Variants in LIMS2 observed in about 807,000 individuals in gnomAD.
LIMS2 encodes LIM and senescent cell antigen-like-containing domain protein 2.
Under a neutral mutation model 45.3 loss-of-function variants are expected in LIMS2, and 30 were observed. The ratio of observed to expected loss-of-function variants is 0.66; its 90% CI spans 0.50 to 0.90. The LOEUF (loss-of-function observed/expected upper bound fraction) is 0.90, where lower values mean the gene tolerates loss of function less well. Among genes scored for constraint, LIMS2 ranks in the 40% least tolerant of loss-of-function variants. The probability of loss-of-function intolerance (pLI) is 0.00; values close to 1 mark genes in which losing one functional copy is unlikely to be tolerated. For missense variants in LIMS2, 485 were observed against 468.7 expected, an observed-to-expected ratio of 1.03 and a Z score of -0.32; for synonymous variants, 173 against 188.0, an observed-to-expected ratio of 0.92 and a Z score of 0.65.
Position 127,650,908 on chromosome 2 carries a change from G to A in LIMS2, c.359+3516C>T, listed in dbSNP as rs369485456. The A allele has an allele frequency of 1.1e-4, 171 of 1,613,988 alleles. No homozygotes were observed. The highest frequency in any genetic ancestry group is 1.9e-4 in the African/African-American group (14 of 75,030). The stretch of plus-strand genomic sequence containing the variant: ...ACCCTGGCTCTGTGGCTTTTCATCC[G>A]AGACCACAAGTCCGGGACCCCGGCC... On this transcript the variant is annotated intron_variant, in intron 4 of 9. Coordinates refer to ENST00000355119, the MANE Select transcript of LIMS2 (RefSeq NM_001161403.3).
rs1168695335 is a variant in LIMS2 at position 127,664,626 on chromosome 2, C to G, written c.12-7064G>C. 5 of 1,104,030 alleles carry G rather than the reference C, an allele frequency of 4.5e-6. No individual in the cohort carries two copies. Among genetic ancestry groups the G allele is most frequent in the African/African-American group, 1.7e-5 (1 of 60,314 alleles). The allele number at this position is 1,104,030 out of a possible 1,614,324, so 68.4% of individuals were successfully genotyped here. ...GCGCCGCGGGGGCAGCTCCTGAAAG[C>G]TGAGGCTGGCGGGGGTTGGGTCCCG... On this transcript the variant is annotated intron_variant, in intron 1 of 9. Transcript: ENST00000355119. The surrounding 1 kb of genome is among the most constrained non-coding windows in gnomAD (Gnocchi z 5.5).
chr2:127,669,431 C>T (rs964513793), intron 1 of LIMS2, among the ~76,000 whole-genome samples: 3 of 152,112 alleles, frequency 2.0e-5, no homozygotes, highest in East Asian at 1.9e-4. Context: ...ATTTGTAAAT[C>T]GGCTGGGCAC....
chr2:127,640,916 A>G lies in LIMS2; in HGVS notation c.733T>C (p.Cys245Arg). Residue 245 changes from cysteine (C) to arginine (R), a missense_variant, in exon 7 of 10, where the codon TGC (cysteine) becomes CGC (arginine). Transcript: ENST00000355119. ...CTCACCTGGTTGTAGTGAGTCTCGCAGTAGGCCAGGCCCTTCTTCTCATAG... is the reference window on the plus strand; with the variant it reads ...CTCACCTGGTTGTAGTGAGTCTCGCGGTAGGCCAGGCCCTTCTTCTCATAG... The part of the protein sequence containing the change: ...RHYEKKGLAY[C>R]ETHYNQLFGD... 6.2e-7 allele frequency: 1 copy of G among 1,613,858 alleles called. No individual in the cohort carries two copies. The highest frequency in any genetic ancestry group is 8.5e-7 in the Non-Finnish European group (1 of 1,179,900).
At chr2:127,679,957 G>GA (rs1685581033), upstream of LIMS2, among the ~76,000 whole-genome samples, 1 of 152,218 alleles carries the variant, frequency 6.6e-6, no homozygotes, top group Non-Finnish European at 1.5e-5. This position sits in a 1 kb window ranked among gnomAD's most constrained non-coding sequence, Gnocchi z 5.3. Context: ...GAATGGCCCC[G>GA]TGTGATGTGA....
At chr2:127,680,659 C>G (rs1685594390) in intron 1 of LIMS2, among the ~76,000 whole-genome samples, 1 of 152,178 alleles carries the variant, frequency 6.6e-6, no homozygotes, top group Non-Finnish European at 1.5e-5. Flanking sequence ...TCTTTTCAGT[C>G]TGAGGGGAAC....
chr2:127,669,085 C>G (rs894766557), intron 1 of LIMS2, among the ~76,000 whole-genome samples: 1 of 151,848 alleles, frequency 6.6e-6, no homozygotes, highest in Non-Finnish European at 1.5e-5. Context: ...AGAGTGAAAC[C>G]CTGTCTCGAG....
chr2:127,672,870 C>A lies in LIMS2; in HGVS notation c.11+2144G>T, dbSNP rs1685330375. ...GGTATGCGAGCAGAGAGGGTGTTTC[C>A]CAAAAGCAGCCTGGCTCTGGGCAGC... On this transcript the variant is annotated intron_variant, in intron 1 of 9. Transcript: ENST00000355119. This position sits in a 1 kb window ranked among gnomAD's most constrained non-coding sequence, Gnocchi z 4.9. 6.6e-6 allele frequency among the ~76,000 whole-genome samples: 1 copy of A among 152,180 alleles called. No individual in the cohort carries two copies. The highest frequency in any genetic ancestry group is 6.5e-5 in the Admixed American group (1 of 15,274).
chr2:127,658,438 G>A lies in LIMS2; in HGVS notation c.12-876C>T, dbSNP rs555606009. On this transcript the variant is annotated intron_variant, in intron 1 of 9. Transcript: ENST00000355119. ...AGTATGAATCTTTGAGACGAGACGGGAGTGTGGTGAGGGGGAGCAAATCTC... is the reference window on the plus strand; with the variant it reads ...AGTATGAATCTTTGAGACGAGACGGAAGTGTGGTGAGGGGGAGCAAATCTC... Among the ~76,000 whole-genome samples the A allele has an allele frequency of 2.6e-5, 4 of 152,276 alleles. No individual in the cohort carries two copies. The South Asian group carries it at 8.3e-4, about 32-fold the overall frequency.
Position 127,640,277 on chromosome 2 carries a change from T to C in LIMS2, c.795A>G (p.Glu265=). ...GGGAACACAGGGCCTCACCATCGCCTTCAATCACATGGCTGCAGTTGTAGC... is the reference window on the plus strand; with the variant it reads ...GGGAACACAGGGCCTCACCATCGCCCTCAATCACATGGCTGCAGTTGTAGC... ...DVCYNCSHVI[E]GDVVSALNKA... is the part of the protein sequence containing the mutation. The change falls in exon 8 of 10, where the codon GAA becomes GAG. Residue 265 remains glutamate (E), a synonymous_variant. Transcript: ENST00000355119. 1.2e-6 allele frequency: 2 copies of C among 1,613,322 alleles called. No homozygotes were observed. Among genetic ancestry groups the C allele is most frequent in the Non-Finnish European group, 8.5e-7 (1 of 1,179,968 alleles).
chr2:127,660,468 T>C (rs1000162209), intron 1 of LIMS2, among the ~76,000 whole-genome samples: 2 of 152,134 alleles, frequency 1.3e-5, no homozygotes, highest in Non-Finnish European at 1.5e-5. Flanking sequence ...AGCGAGACCA[T>C]GAACCGACGG....
chr2:127,670,114 C>T (rs1447307290), intron 1 of LIMS2, among the ~76,000 whole-genome samples: 1 of 152,190 alleles, frequency 6.6e-6, no homozygotes, highest in African/African-American at 2.4e-5. Flanking sequence ...TTACCATATG[C>T]CAGCAATTCC....
At chr2:127,648,979 GA>G (rs1683321512) in intron 4 of LIMS2, among the ~76,000 whole-genome samples, 1 of 24,970 alleles carries the variant, frequency 4.0e-5, no homozygotes, top group African/African-American at 1.5e-4. Flanking sequence ...GGAGGGGAGG[GA>G]GGGGAGGGGA....
chr2:127,644,755 C>A (rs34533005), intron 4 of LIMS2, among the ~76,000 whole-genome samples: 1 of 152,220 alleles, frequency 6.6e-6, no homozygotes, highest in African/African-American at 2.4e-5. Flanking sequence ...GGTCTGTGAG[C>A]CCAGAAATGC....
Position 127,672,990 on chromosome 2 carries a change from C to T in LIMS2, c.11+2024G>A, listed in dbSNP as rs781112494. 7.0e-4 allele frequency among the ~76,000 whole-genome samples: 107 copies of T among 152,348 alleles called. 1 individual carries two copies. The highest frequency in any genetic ancestry group is 8.2e-4 in the Non-Finnish European group (56 of 68,038). ...GTGGGGAAGGGCACCCAGCATGAAACGGTGGAAATGAAACTCCACTGCTTC... is the reference window on the plus strand; with the variant it reads ...GTGGGGAAGGGCACCCAGCATGAAATGGTGGAAATGAAACTCCACTGCTTC... On this transcript the variant is annotated intron_variant, in intron 1 of 9. Transcript: ENST00000355119. The surrounding 1 kb of genome is among the most constrained non-coding windows in gnomAD (Gnocchi z 4.9).
intron 1 of LIMS2, chr2:127,674,792 G>A: frequency 1.0e-6 from 1 of 985,420 alleles, no homozygotes; most frequent in African/African-American, 1.7e-5. Context: ...GTGGGCAGGA[G>A]CTCCACCTTC....
chr2:127,672,484 C>T lies in LIMS2; in HGVS notation c.11+2530G>A, dbSNP rs1403944420. ...GCTCTTCAAGCACTCCACAACCACA[C>T]CAAGCATGCCATCCACCCCCACCTG... On this transcript the variant is annotated intron_variant, in intron 1 of 9. Coordinates refer to ENST00000355119, the MANE Select transcript of LIMS2 (RefSeq NM_001161403.3). The surrounding 1 kb of genome is among the most constrained non-coding windows in gnomAD (Gnocchi z 4.9). Among the ~76,000 whole-genome samples, 3 of 152,128 alleles carry T rather than the reference C, an allele frequency of 2.0e-5. No homozygotes were observed. The highest frequency in any genetic ancestry group is 4.8e-5 in the African/African-American group (2 of 41,422).
chr2:127,679,798 G>A (rs1016891263), upstream of LIMS2, among the ~76,000 whole-genome samples: 27 of 152,290 alleles, frequency 1.8e-4, no homozygotes, highest in African/African-American at 6.5e-4. The surrounding 1 kb of genome is among the most constrained non-coding windows in gnomAD (Gnocchi z 5.3). Flanking sequence ...AATATCCAGA[G>A]CCACAGCCCT....
intron 9 of LIMS2, among the ~76,000 whole-genome samples, chr2:127,639,836 GGAGGCAT>G (rs1465174993): frequency 6.6e-6 from 1 of 152,152 alleles, no homozygotes; most frequent in Non-Finnish European, 1.5e-5. Context: ...CAGGTGTGTT[GGAGGCAT>G]GAGTGTTCCT....
At position 127,642,102 on chromosome 2, in the gene LIMS2, G is replaced by A. The variant is rs745911673; in HGVS notation, c.607C>T (p.Arg203Trp). 1.9e-6 allele frequency: 3 copies of A among 1,609,010 alleles called. No homozygotes were observed. The highest frequency in any genetic ancestry group is 2.2e-5 in the East Asian group (1 of 44,744). Residue 203 changes from arginine (R) to tryptophan (W), a missense_variant, in exon 6 of 10, where the codon CGG (arginine) becomes TGG (tryptophan). Arg to Trp is a moderately radical substitution (Grantham distance 101). Transcript: ENST00000355119. This position sits in a 1 kb window ranked among gnomAD's most constrained non-coding sequence, Gnocchi z 5.3. ...MGVPICGACR[R>W]PIEGRVVNAL... ...TTGACCACTCGGCCCTCGATGGGCC[G>A]GCGGCAGGCCCCGCAGATGGGGACG...
Sources: gnomAD v4.1 joint callset for allele counts (sites outside exome capture counted in the v4.1 genomes callset) on GRCh38, gnomAD v4.1.1 for gene constraint, Gnocchi (gnomAD v3.1) non-coding constraint, MANE v1.5 for transcripts, NCBI Gene and HGNC (gene_info 2026-07-23, HGNC 2026-07-21) for gene names.